ZNF469: variants seen among roughly 807,000 people sequenced by gnomAD.
ZNF469 encodes the protein zinc finger protein 469.
Under a neutral mutation model 1.0 loss-of-function variants are expected in ZNF469, and 1 was observed. The ratio of observed to expected loss-of-function variants is 1.00; its 90% CI spans 0.35 to 4.73. ZNF469 has a LOEUF of 4.73. Among genes scored for constraint, ZNF469 ranks in the 30% most tolerant of loss-of-function variants. The pLI is 0.16. For missense variants in ZNF469, 6,100 were observed against 5,356.3 expected (o/e 1.14, Z -4.33); for synonymous variants, 2,703 against 2,363.4 (o/e 1.14, Z -4.17).
At chr16:88,101,834 A>G in the ZNF469 span, among the ~76,000 whole-genome samples, 2 of 152,154 alleles carry the variant, frequency 1.3e-5, no homozygotes, top group African/African-American at 2.4e-5. Context: ...TTCCAAACAT[A>G]AACTTCCTGA....
upstream of ZNF469, among the ~76,000 whole-genome samples, chr16:88,381,082 A>G (rs1051030897): frequency 6.8e-6 from 1 of 146,912 alleles, no homozygotes; most frequent in Non-Finnish European, 1.5e-5. Flanking sequence ...ATGCACTCAC[A>G]CACGCACTCA....
At chr16:88,165,337 C>T in the ZNF469 span, among the ~76,000 whole-genome samples, 4 of 152,248 alleles carry the variant, frequency 2.6e-5, no homozygotes, top group African/African-American at 4.8e-5. Context: ...GCCTCCCAGT[C>T]CCTGTGCCTT....
chr16:88,429,138 T>C lies in ZNF469; in HGVS notation c.1668T>C (p.Pro556=). 1 of 1,549,912 alleles carries C rather than the reference T, an allele frequency of 6.5e-7. No homozygotes were observed. Among genetic ancestry groups the C allele is most frequent in the Non-Finnish European group, 8.7e-7 (1 of 1,146,860 alleles). The change falls in exon 3 of 3, where the codon CCT becomes CCC. Residue 556 remains proline (P), a synonymous_variant. Coordinates refer to ENST00000565624, the MANE Select transcript of ZNF469 (RefSeq NM_001367624.2). The part of the protein sequence containing the change: ...ALFTYNGMTD[P]GAQPLFFGVA... Reference sequence around the variant, plus strand: ...TCACCTACAACGGAATGACAGACCCTGGGGCTCAGCCCCTGTTCTTCGGGG... The same window carrying C: ...TCACCTACAACGGAATGACAGACCCCGGGGCTCAGCCCCTGTTCTTCGGGG...
the ZNF469 span, among the ~76,000 whole-genome samples, chr16:88,105,126 C>T: frequency 4.4e-3 from 673 of 152,072 alleles, 4 homozygotes; most frequent in African/African-American, 0.015. Context: ...GAAGCTGAGG[C>T]GGGAGGAACA....
chr16:88,171,467 T>G, the ZNF469 span, among the ~76,000 whole-genome samples: 6 of 152,226 alleles, frequency 3.9e-5, no homozygotes, highest in Non-Finnish European at 2.9e-5. Context: ...AGAAAGCTCC[T>G]GAAGCAGGAA....
At chr16:88,261,336 G>A in the ZNF469 span, among the ~76,000 whole-genome samples, 2 of 152,204 alleles carry the variant, frequency 1.3e-5, no homozygotes, top group African/African-American at 2.4e-5. This position sits in a 1 kb window ranked among gnomAD's most constrained non-coding sequence, Gnocchi z 6.0. Flanking sequence ...TGTGGCAGAG[G>A]CTGTCCCCAT....
chr16:88,248,363 C>T, the ZNF469 span, among the ~76,000 whole-genome samples: 5 of 152,272 alleles, frequency 3.3e-5, no homozygotes, highest in Admixed American at 6.5e-5. Flanking sequence ...AGCAGACATT[C>T]GGGGACTGAA....
chr16:88,264,849 T>C, the ZNF469 span, among the ~76,000 whole-genome samples: 1 of 152,040 alleles, frequency 6.6e-6, no homozygotes, highest in South Asian at 2.1e-4. Context: ...GCGGTACTGC[T>C]CAGATGCTCA....
the ZNF469 span, among the ~76,000 whole-genome samples, chr16:88,161,109 C>T: frequency 4.0e-5 from 6 of 150,792 alleles, no homozygotes; most frequent in East Asian, 2.0e-4. Context: ...TGCAGTGAGC[C>T]GAGATCGCGC....
chr16:88,180,081 C>T, the ZNF469 span, among the ~76,000 whole-genome samples: 1 of 152,008 alleles, frequency 6.6e-6, no homozygotes, highest in African/African-American at 2.4e-5. Context: ...ATGGAGTAGC[C>T]ATTCTTTTAT....
chr16:88,202,989 A>G, the ZNF469 span, among the ~76,000 whole-genome samples: 2 of 152,180 alleles, frequency 1.3e-5, no homozygotes, highest in African/African-American at 4.8e-5. Flanking sequence ...GGCAGCCCCC[A>G]CCGAATCCAG....
chr16:88,136,412 G>T, the ZNF469 span, among the ~76,000 whole-genome samples: 5 of 152,260 alleles, frequency 3.3e-5, no homozygotes, highest in African/African-American at 1.2e-4. Context: ...AGGATGGCGT[G>T]TTGCAGCCGT....
At chr16:88,114,860 G>A in the ZNF469 span, among the ~76,000 whole-genome samples, 9 of 152,340 alleles carry the variant, frequency 5.9e-5, no homozygotes, top group Middle Eastern at 3.4e-3. Context: ...GAGAATTCTT[G>A]GACACCATTG....
chr16:88,188,259 C>T, the ZNF469 span, among the ~76,000 whole-genome samples: 1 of 152,034 alleles, frequency 6.6e-6, no homozygotes, highest in Non-Finnish European at 1.5e-5. Context: ...CAGAGCACCA[C>T]AGGCTGCTCC....
At chr16:88,112,050 G>A in the ZNF469 span, among the ~76,000 whole-genome samples, 3 of 152,112 alleles carry the variant, frequency 2.0e-5, no homozygotes, top group South Asian at 4.1e-4. Flanking sequence ...ATAGTACTAC[G>A]TTGTGTACGT....
chr16:88,265,617 C>T, the ZNF469 span, among the ~76,000 whole-genome samples: 4 of 152,188 alleles, frequency 2.6e-5, no homozygotes, highest in South Asian at 2.1e-4. Context: ...GGCTGGGGAC[C>T]GCAAACACCT....
At chr16:88,400,843 A>G (rs1489886155) in intron 1 of ZNF469, among the ~76,000 whole-genome samples, 1 of 151,904 alleles carries the variant, frequency 6.6e-6, no homozygotes, top group Non-Finnish European at 1.5e-5. Context: ...GAGCATCTTC[A>G]GTAACCCCAA....
intron 1 of ZNF469, among the ~76,000 whole-genome samples, chr16:88,399,586 G>T (rs1281636201): frequency 6.6e-6 from 1 of 152,196 alleles, no homozygotes; most frequent in Non-Finnish European, 1.5e-5. Flanking sequence ...TGTCACAAGA[G>T]CCAGAAATGA....
chr16:88,113,687 T>G, the ZNF469 span, among the ~76,000 whole-genome samples: 1 of 152,200 alleles, frequency 6.6e-6, no homozygotes, highest in Non-Finnish European at 1.5e-5. Flanking sequence ...TGGCCTGTCT[T>G]AAACGGGTAA....
Sources: allele counts gnomAD v4.1 joint callset (sites outside exome capture counted in the v4.1 genomes callset), GRCh38; gene constraint gnomAD v4.1.1; non-coding constraint Gnocchi (gnomAD v3.1); transcripts MANE v1.5; gene names NCBI Gene and HGNC (gene_info 2026-07-23, HGNC 2026-07-21).